Variants in A3GALT2 observed in about 807,000 individuals in gnomAD.
A3GALT2 encodes the protein alpha 1,3-galactosyltransferase 2.
A neutral mutation model predicts 16.6 loss-of-function variants in A3GALT2; 14 were observed. That is an observed-to-expected ratio of 0.84 (90% CI 0.56 to 1.32). The LOEUF (loss-of-function observed/expected upper bound fraction) is 1.32, where lower values mean the gene tolerates loss of function less well. Among genes scored for constraint, A3GALT2 ranks in the 40% most tolerant of loss-of-function variants. The pLI, the probability that A3GALT2 is intolerant of heterozygous loss-of-function variation, is 0.00. For missense variants in A3GALT2, 600 were observed against 490.9 expected (o/e 1.22, Z -2.10); for synonymous variants, 253 against 218.0 (o/e 1.16, Z -1.42).
chr1:33,310,241 G>T (rs1264476698), intron 4 of A3GALT2, among the ~76,000 whole-genome samples: 1 of 152,190 alleles, frequency 6.6e-6, no homozygotes, highest in Admixed American at 6.5e-5. Flanking sequence ...GCAGTGAGCC[G>T]AGATGGCGGC....
intron 1 of A3GALT2, among the ~76,000 whole-genome samples, chr1:33,318,828 G>A (rs1330098485): frequency 6.6e-6 from 1 of 152,188 alleles, no homozygotes; most frequent in Non-Finnish European, 1.5e-5. Context: ...GCCAAGCGAT[G>A]CTAGGGACTG....
At chr1:33,319,931 T>C (rs1318398460) in intron 1 of A3GALT2, among the ~76,000 whole-genome samples, 1 of 151,986 alleles carries the variant, frequency 6.6e-6, no homozygotes, top group East Asian at 1.9e-4. Flanking sequence ...TGTTTACACT[T>C]TACACCAAGG....
chr1:33,315,257 C>T (rs978722666), intron 1 of A3GALT2, among the ~76,000 whole-genome samples: 2 of 151,954 alleles, frequency 1.3e-5, no homozygotes, highest in African/African-American at 2.4e-5. Flanking sequence ...TGGCACGCGT[C>T]GGTAGTCCCA....
chr1:33,315,045 G>A (rs1270484862), intron 1 of A3GALT2, among the ~76,000 whole-genome samples: 4 of 151,808 alleles, frequency 2.6e-5, no homozygotes, highest in Non-Finnish European at 5.9e-5. Flanking sequence ...CCAGGAGTTC[G>A]AGATCAGCCC....
rs763413708 is a variant in A3GALT2, at chr1:33,312,518, T to C, written c.180A>G (p.Thr60=). 1.9e-6 allele frequency: 3 copies of C among 1,600,222 alleles called. No individual in the cohort carries two copies. The Admixed American group carries it at 5.2e-5, about 28-fold the overall frequency. ...CTTCTTACCAGGGACGCAGGGCACC[T>C]GTGAAGTTGTCTCTCAGCTGGGACA... is the stretch of plus-strand genomic sequence containing the variant. The part of the protein sequence containing the change: ...ATMSQLRDNF[T]GALRPWARPE... The change falls in exon 3 of 5, where the codon ACA becomes ACG. Residue 60 remains threonine (T), a synonymous_variant. Coordinates refer to ENST00000442999, the MANE Select transcript of A3GALT2 (RefSeq NM_001080438.1).
intron 3 of A3GALT2, 86 bp from the exon 4 acceptor site, chr1:33,312,275 G>A: frequency 6.4e-7 from 1 of 1,558,756 alleles, no homozygotes; most frequent in Non-Finnish European, 8.7e-7. Flanking sequence ...CCAGTGCTGA[G>A]CCCTAGGGAC....
At chr1:33,309,829 C>T (rs1338834421) in intron 4 of A3GALT2, among the ~76,000 whole-genome samples, 4 of 148,964 alleles carry the variant, frequency 2.7e-5, no homozygotes, top group African/African-American at 1.0e-4. Flanking sequence ...ACTGGGCGGC[C>T]GGGCAGAGGG....
intron 1 of A3GALT2, among the ~76,000 whole-genome samples, chr1:33,317,122 G>A (rs573700783): frequency 5.9e-5 from 9 of 152,228 alleles, no homozygotes; most frequent in African/African-American, 1.9e-4. Context: ...ACAGGGAGAG[G>A]CATTATCTCA....
chr1:33,318,390 C>T (rs746884113), intron 1 of A3GALT2, among the ~76,000 whole-genome samples: 21 of 152,036 alleles, frequency 1.4e-4, no homozygotes, highest in Non-Finnish European at 2.5e-4. Context: ...ACTCCTCCCC[C>T]ATCCTGCCAT....
chr1:33,320,968 G>T lies in A3GALT2; in HGVS notation c.23+108C>A. 1 of 1,427,770 alleles carries T rather than the reference G, an allele frequency of 7.0e-7. No homozygotes were observed. The highest frequency in any genetic ancestry group is 9.8e-7 in the Non-Finnish European group (1 of 1,019,020). The allele number at this position is 1,427,770 out of a possible 1,614,324, so 88.4% of individuals were successfully genotyped here. On this transcript the variant is annotated intron_variant, in intron 1 of 4. Coordinates refer to ENST00000442999, the MANE Select transcript of A3GALT2 (RefSeq NM_001080438.1). This position sits in a 1 kb window ranked among gnomAD's most constrained non-coding sequence, Gnocchi z 4.3. ...CTGGAGGCTCAGCTGGTACTCCTGG[G>T]CTCACTCTGGTGCCTCCCCTTGGTA... is the stretch of plus-strand genomic sequence containing the variant.
In A3GALT2 at chr1:33,307,109, C is replaced by T; in HGVS notation, c.680G>A (p.Trp227Ter). The T allele has an allele frequency of 6.5e-7, 1 of 1,532,026 alleles. No homozygotes were observed. Among genetic ancestry groups the T allele is most frequent in the Non-Finnish European group, 8.8e-7 (1 of 1,141,862 alleles). The allele number at this position is 1,532,026 out of a possible 1,614,324, so 94.9% of individuals were successfully genotyped here. A position where few individuals can be genotyped will look rare whatever the true frequency, so the allele number is the denominator to read the frequency against. ...VAQLHSWHYH[W>*]PSWLLPFERD... The stretch of plus-strand genomic sequence containing the variant: ...TTCGAAGGGCAGCAGCCACGACGGC[C>T]AGTGGTAGTGCCAGGAGTGCAGCTG... Residue 227 changes from tryptophan to a stop codon, truncating the protein, a stop_gained, in exon 5 of 5, where the codon TGG becomes TAG. Transcript: ENST00000442999. LOFTEE classifies it low-confidence loss of function (END_TRUNC).
chr1:33,308,295 T>TA (rs1646213478), intron 4 of A3GALT2, among the ~76,000 whole-genome samples: 1 of 151,688 alleles, frequency 6.6e-6, no homozygotes, highest in Non-Finnish European at 1.5e-5. Flanking sequence ...TGAGGAAGCC[T>TA]AAGCTGGCCC....
chr1:33,315,620 T>C (rs2148162635), intron 1 of A3GALT2, among the ~76,000 whole-genome samples: 1 of 152,266 alleles, frequency 6.6e-6, no homozygotes, highest in Admixed American at 6.5e-5. Flanking sequence ...TTACACTTGC[T>C]GGTGGGAGTG....
At position 33,312,167 on chromosome 1, in the gene A3GALT2, A is replaced by T. The variant is rs1646235957; in HGVS notation, c.220T>A (p.Cys74Ser). The change falls in exon 4 of 5, where the codon TGT becomes AGT. Residue 74 changes from cysteine (C) to serine (S), a missense_variant. Transcript: ENST00000442999. The stretch of plus-strand genomic sequence containing the variant: ...ATAATGGGAGCCCCCCAGGGGGTAC[A>T]GGTCAGAACTTCAGGCCGGGCCCTG... ...RPWARPEVLTCTPWGAPIIWD... is the reference protein window; with the variant it reads ...RPWARPEVLTSTPWGAPIIWD... 1 of 1,613,488 alleles carries T rather than the reference A, an allele frequency of 6.2e-7. No individual in the cohort carries two copies.
In A3GALT2 at chr1:33,312,461, TG is replaced by T. The variant is rs775040806; in HGVS notation, c.197+39del. On this transcript the variant is annotated intron_variant, in intron 3 of 4. Transcript: ENST00000442999. Reference sequence around the variant, plus strand: ...ACATGGGGCAGAGCTGTGTAGGGTTTGGGGGTGCCCTTGGAGTAGGAGGGAT... The same window carrying T: ...ACATGGGGCAGAGCTGTGTAGGGTTTGGGGTGCCCTTGGAGTAGGAGGGAT... The T allele has an allele frequency of 1.0e-5, 16 of 1,523,864 alleles. No individual in the cohort carries two copies. In the African/African-American group the frequency reaches 1.5e-4, roughly 15 times the overall value. The allele number at this position is 1,523,864 out of a possible 1,614,324, so 94.4% of individuals were successfully genotyped here. A position where few individuals can be genotyped will look rare whatever the true frequency, so the allele number is the denominator to read the frequency against.
chr1:33,318,264 A>C (rs1646270004), intron 1 of A3GALT2, among the ~76,000 whole-genome samples: 1 of 152,184 alleles, frequency 6.6e-6, no homozygotes. Context: ...AACAGGTATA[A>C]ATTCGGATGT....
At chr1:33,315,834 C>T (rs1177322960) in intron 1 of A3GALT2, among the ~76,000 whole-genome samples, 1 of 152,196 alleles carries the variant, frequency 6.6e-6, no homozygotes, top group Non-Finnish European at 1.5e-5. Context: ...GACACAAGCT[C>T]AGCGTCAAGC....
Position 33,307,214 on chromosome 1 carries a change from G to A in A3GALT2, c.575C>T (p.Ala192Val), listed in dbSNP as rs777900258. The A allele has an allele frequency of 1.1e-5, 17 of 1,506,946 alleles. 1 individual carries two copies. In the South Asian group the frequency reaches 1.9e-4, roughly 17 times the overall value. The allele number at this position is 1,506,946 out of a possible 1,614,324, so 93.3% of individuals were successfully genotyped here. A position where few individuals can be genotyped will look rare whatever the true frequency, so the allele number is the denominator to read the frequency against. The change falls in exon 5 of 5, where the codon GCG becomes GTG. Residue 192 changes from alanine (A) to valine (V), a missense_variant. By Grantham distance (64) the Ala-to-Val change is moderately conservative. Coordinates refer to ENST00000442999, the MANE Select transcript of A3GALT2 (RefSeq NM_001080438.1). ...AALGGLPGRE[A>V]HFMFCMDVDQ... ...CACGTCCATGCAGAACATGAAGTGC[G>A]CCTCGCGGCCCGGCAGCCCGCCCAG...
chr1:33,312,832 A>G lies in A3GALT2; in HGVS notation c.82T>C (p.Phe28Leu), dbSNP rs1403186633. 1 of 1,604,548 alleles carries G rather than the reference A, an allele frequency of 6.2e-7. No individual in the cohort carries two copies. Among genetic ancestry groups the G allele is most frequent in the Admixed American group, 1.7e-5 (1 of 58,508 alleles). ...ILLTLGLLGL[F>L]LYGLPKFRHL... ...CTGAATTTAGGGAGGCCATACAGAA[A>G]CAGGCCTAAGAGGCCAAGTGTAAGT... The change falls in exon 2 of 5, where the codon TTT (phenylalanine) becomes CTT (leucine). Residue 28 changes from phenylalanine (F) to leucine (L), a missense_variant. Transcript: ENST00000442999.
Sources: allele counts gnomAD v4.1 joint callset (sites outside exome capture counted in the v4.1 genomes callset), GRCh38; gene constraint gnomAD v4.1.1; non-coding constraint Gnocchi (gnomAD v3.1); transcripts MANE v1.5; gene names NCBI Gene and HGNC (gene_info 2026-07-23, HGNC 2026-07-21).